Variants in PRKG1 observed in about 807,000 individuals in gnomAD.
PRKG1 encodes the protein cGMP-dependent protein kinase 1.
Under a neutral mutation model 88.1 loss-of-function variants are expected in PRKG1, and 35 were observed. That is an observed-to-expected ratio of 0.40 (90% CI 0.30 to 0.53). The LOEUF (loss-of-function observed/expected upper bound fraction) is 0.53. Among genes scored for constraint, PRKG1 ranks in the 20% least tolerant of loss-of-function variants. PRKG1 has a pLI of 0.59. For synonymous variants in PRKG1, 303 were observed against 292.5 expected (o/e 1.04, Z -0.37); for missense variants, 540 against 839.8 (o/e 0.64, Z 4.41).
intron 4 of PRKG1, among the ~76,000 whole-genome samples, chr10:51,875,559 A>G (rs780410809): frequency 1.3e-5 from 2 of 152,118 alleles, no homozygotes; most frequent in African/African-American, 4.8e-5. Context: ...GACACTTGAC[A>G]CCATCCCTGG....
In PRKG1 at chr10:52,042,403, G is replaced by T. The variant is rs188364562; in HGVS notation, c.763-12081G>T. Among the ~76,000 whole-genome samples, 221 of 152,004 alleles carry T rather than the reference G, an allele frequency of 1.5e-3. 1 individual carries two copies. Among genetic ancestry groups the T allele is most frequent in the Middle Eastern group, 3.4e-3 (1 of 294 alleles). ...CACAGATGAATGAACAAAATAGAAA[G>T]CCCAGAAATAAATCCACATATCAAC... On this transcript the variant is annotated intron_variant, in intron 5 of 17. Transcript: ENST00000373980.
At chr10:52,148,293 C>A (rs1837787387) in intron 8 of PRKG1, among the ~76,000 whole-genome samples, 1 of 152,084 alleles carries the variant, frequency 6.6e-6, no homozygotes, top group Admixed American at 6.5e-5. Context: ...TGTTAACCAT[C>A]CTACAATGCA....
At chr10:51,943,062 A>G (rs1205812713) in intron 5 of PRKG1, among the ~76,000 whole-genome samples, 1 of 152,006 alleles carries the variant, frequency 6.6e-6, no homozygotes, top group East Asian at 1.9e-4. Context: ...CATTTTCACG[A>G]TAATGATTCT....
intron 3 of PRKG1, among the ~76,000 whole-genome samples, chr10:51,610,723 T>C (rs1433215922): frequency 6.6e-6 from 1 of 152,148 alleles, no homozygotes; most frequent in Admixed American, 6.6e-5. Context: ...TAAAAATGAA[T>C]GAATCATATC....
At chr10:51,524,427 TGG>T (rs1255660888) in intron 3 of PRKG1, among the ~76,000 whole-genome samples, 2 of 152,218 alleles carry the variant, frequency 1.3e-5, no homozygotes, top group East Asian at 3.8e-4. Flanking sequence ...CTGCCATTCT[TGG>T]ACAAAAACAC....
At chr10:52,202,872 C>G (rs1839713357) in intron 9 of PRKG1, among the ~76,000 whole-genome samples, 1 of 152,016 alleles carries the variant, frequency 6.6e-6, no homozygotes, top group South Asian at 2.1e-4. Context: ...GTGGCATTGT[C>G]CCCTTTATCA....
At chr10:52,220,032 T>C (rs558904163) in intron 9 of PRKG1, among the ~76,000 whole-genome samples, 1 of 152,178 alleles carries the variant, frequency 6.6e-6, no homozygotes, top group African/African-American at 2.4e-5. Context: ...TCCTTTCCAA[T>C]ATCCCATATT....
At chr10:52,272,717 C>A (rs978209826) in intron 12 of PRKG1, among the ~76,000 whole-genome samples, 1 of 151,978 alleles carries the variant, frequency 6.6e-6, no homozygotes, top group African/African-American at 2.4e-5. Context: ...AAAAATGGTA[C>A]ATAGCAAAAT....
chr10:51,952,671 G>A lies in PRKG1; in HGVS notation c.762+45101G>A, dbSNP rs1435704210. 3.9e-5 allele frequency among the ~76,000 whole-genome samples: 6 copies of A among 152,204 alleles called. No individual in the cohort carries two copies. The East Asian group carries it at 7.7e-4, about 20-fold the overall frequency. The stretch of plus-strand genomic sequence containing the variant: ...TTAATTAGAAGTAGAGATTAAAGGA[G>A]GCATCATGGTACAGAAAGAGCACTG... On this transcript the variant is annotated intron_variant, in intron 5 of 17. Transcript: ENST00000373980.
intron 2 of PRKG1, among the ~76,000 whole-genome samples, chr10:51,446,414 C>G (rs190604036): frequency 6.6e-6 from 1 of 152,066 alleles, no homozygotes; most frequent in African/African-American, 2.4e-5. Context: ...TCTTCTTCAA[C>G]CTTTACTTCC....
chr10:51,658,538 C>T (rs546400890), intron 3 of PRKG1, among the ~76,000 whole-genome samples: 1 of 151,356 alleles, frequency 6.6e-6, no homozygotes, highest in South Asian at 2.1e-4. Context: ...ACCTGGCCTA[C>T]GTCAAGGCTA....
At chr10:51,050,893 CTGA>C (rs1409297164) in intron 1 of PRKG1, among the ~76,000 whole-genome samples, 1 of 152,058 alleles carries the variant, frequency 6.6e-6, no homozygotes, top group African/African-American at 2.4e-5. Flanking sequence ...TTGGATTTCC[CTGA>C]TGATTAATGT....
In PRKG1 at chr10:51,950,535, G is replaced by A. The variant is rs565128966; in HGVS notation, c.762+42965G>A. 2.6e-5 allele frequency among the ~76,000 whole-genome samples: 4 copies of A among 152,358 alleles called. No homozygotes were observed. In the South Asian group the frequency reaches 6.2e-4, roughly 24 times the overall value. ...CTGCCCCTTGCGGAAGGGAGCACGTGAGTGAGCCAGGGCGGGATCTGGCTG... is the reference window on the plus strand; with the variant it reads ...CTGCCCCTTGCGGAAGGGAGCACGTAAGTGAGCCAGGGCGGGATCTGGCTG... On this transcript the variant is annotated intron_variant, in intron 5 of 17. Transcript: ENST00000373980.
intron 3 of PRKG1, among the ~76,000 whole-genome samples, chr10:51,531,879 G>A (rs1447860731): frequency 6.6e-6 from 1 of 151,810 alleles, no homozygotes; most frequent in Non-Finnish European, 1.5e-5. Flanking sequence ...CCCTGACCTC[G>A]TGATTTGCCC....
intron 9 of PRKG1, among the ~76,000 whole-genome samples, chr10:52,218,571 A>G (rs1466343116): frequency 1.3e-5 from 2 of 152,196 alleles, no homozygotes; most frequent in African/African-American, 2.4e-5. Context: ...CACAACAGCC[A>G]AGGCAGTATT....
intron 2 of PRKG1, among the ~76,000 whole-genome samples, chr10:51,309,363 T>G (rs1376387572): frequency 6.6e-6 from 1 of 152,060 alleles, no homozygotes; most frequent in Non-Finnish European, 1.5e-5. Flanking sequence ...ATATCCGGAA[T>G]TTACAAGGCA....
intron 2 of PRKG1, among the ~76,000 whole-genome samples, chr10:51,388,938 A>G (rs1036360290): frequency 1.3e-5 from 2 of 152,232 alleles, no homozygotes; most frequent in Admixed American, 1.3e-4. Context: ...CAGCAGATCT[A>G]ATGAGGGTCC....
At chr10:52,271,249 G>GA in intron 10 of PRKG1, 101 bp from the exon 11 acceptor site, 1 of 1,264,848 alleles carries the variant, frequency 7.9e-7, no homozygotes, top group Non-Finnish European at 1.1e-6. Context: ...GGAGGTGGCT[G>GA]AGGTTCATTT....
intron 2 of PRKG1, among the ~76,000 whole-genome samples, chr10:51,155,603 A>G (rs1179482076): frequency 6.6e-6 from 1 of 151,980 alleles, no homozygotes; most frequent in Non-Finnish European, 1.5e-5. Context: ...GAAAAGCAGG[A>G]CAAATAGGAT....
Sources: gnomAD v4.1 joint callset for allele counts (sites outside exome capture counted in the v4.1 genomes callset) on GRCh38, gnomAD v4.1.1 for gene constraint, MANE v1.5 for transcripts, NCBI Gene and HGNC (gene_info 2026-07-23, HGNC 2026-07-21) for gene names.